Variants in ROBO1 observed in about 807,000 individuals in gnomAD.
The protein encoded by ROBO1 is roundabout homolog 1.
Under a neutral mutation model 195.9 loss-of-function variants are expected in ROBO1, and 149 were observed. The ratio of observed to expected loss-of-function variants is 0.76; its 90% CI spans 0.67 to 0.87. The LOEUF (loss-of-function observed/expected upper bound fraction) is 0.87. Among genes scored for constraint, ROBO1 ranks in the 40% least tolerant of loss-of-function variants. The probability of loss-of-function intolerance (pLI) is 0.00; values close to 1 mark genes in which losing one functional copy is unlikely to be tolerated. For synonymous variants in ROBO1, 816 were observed against 733.2 expected, an observed-to-expected ratio of 1.11 and a Z score of -1.82; for missense variants, 1,933 against 2,068.3, an observed-to-expected ratio of 0.93 and a Z score of 1.27.
intron 1 of ROBO1, among the ~76,000 whole-genome samples, chr3:79,683,655 A>G (rs1947014784): frequency 6.6e-6 from 1 of 152,020 alleles, no homozygotes; most frequent in Non-Finnish European, 1.5e-5. Context: ...TTCTGTCTCT[A>G]TGGATGTGCC....
At chr3:78,615,157 A>C (rs1289928838) in intron 27 of ROBO1, among the ~76,000 whole-genome samples, 1 of 152,234 alleles carries the variant, frequency 6.6e-6, no homozygotes, top group African/African-American at 2.4e-5. Context: ...ATGTTTGCAT[A>C]ATATAGCCAA....
chr3:79,764,437 G>T (rs376602449), intron 1 of ROBO1, among the ~76,000 whole-genome samples: 14 of 152,302 alleles, frequency 9.2e-5, no homozygotes, highest in African/African-American at 3.4e-4. Flanking sequence ...TTGAGTTTAG[G>T]TGGCAAGAAG....
chr3:78,917,852 G>T (rs531241152), intron 4 of ROBO1, among the ~76,000 whole-genome samples: 23 of 152,044 alleles, frequency 1.5e-4, no homozygotes, highest in African/African-American at 4.3e-4. Flanking sequence ...GAAATGAGTG[G>T]TTTTTTTTCC....
chr3:78,720,755 T>G (rs2082021007), intron 5 of ROBO1, among the ~76,000 whole-genome samples: 1 of 152,204 alleles, frequency 6.6e-6, no homozygotes, highest in African/African-American at 2.4e-5. Flanking sequence ...CATGGAATAC[T>G]ATGCAGCCAT....
At chr3:78,884,595 A>AAGAAAGAG (rs1220586725) in intron 4 of ROBO1, among the ~76,000 whole-genome samples, 1 of 147,776 alleles carries the variant, frequency 6.8e-6, no homozygotes, top group Non-Finnish European at 1.5e-5. Context: ...GGGAGAAAGA[A>AAGAAAGAG]AGAAAGAGAG....
intron 1 of ROBO1, among the ~76,000 whole-genome samples, chr3:79,613,039 T>C (rs1323296248): frequency 6.6e-6 from 1 of 151,864 alleles, no homozygotes; most frequent in Non-Finnish European, 1.5e-5. Flanking sequence ...ATAATTGACA[T>C]AATTTTACTA....
chr3:78,640,576 A>G (rs1559683296), intron 21 of ROBO1, among the ~76,000 whole-genome samples: 2 of 152,188 alleles, frequency 1.3e-5, no homozygotes, highest in Non-Finnish European at 2.9e-5. Flanking sequence ...GTCCACTAAA[A>G]AGAATATTAG....
intron 2 of ROBO1, among the ~76,000 whole-genome samples, chr3:79,575,197 T>TATATATAACATATATATAA (rs1332605411): frequency 1.9e-4 from 9 of 47,704 alleles, no homozygotes; most frequent in South Asian, 5.0e-4. Context: ...TATATATAAA[T>TATATATAACATATATATAA]ATATATATAA....
chr3:79,560,514 C>G (rs564745592), intron 2 of ROBO1, among the ~76,000 whole-genome samples: 51 of 128,216 alleles, frequency 4.0e-4, no homozygotes, highest in African/African-American at 1.5e-3. Flanking sequence ...TACCCTAAAA[C>G]TTAAAGTATA....
chr3:78,670,270 T>G lies in ROBO1; in HGVS notation c.1374A>C (p.Arg458=). The part of the protein sequence containing the change: ...VIADRPPPVI[R]QGPVNQTVAV... ...CTACAGTCTGATTCACAGGACCTTGTCGAATAACTGGGGGAGGCCGATCTG... is the reference window on the plus strand; with the variant it reads ...CTACAGTCTGATTCACAGGACCTTGGCGAATAACTGGGGGAGGCCGATCTG... The change falls in exon 11 of 31, where the codon CGA becomes CGC. Residue 458 remains arginine (R), a synonymous_variant. Coordinates refer to ENST00000464233, the MANE Select transcript of ROBO1 (RefSeq NM_002941.4). The G allele has an allele frequency of 1.3e-6, 2 of 1,577,424 alleles. No individual in the cohort carries two copies. Among genetic ancestry groups the G allele is most frequent in the Non-Finnish European group, 1.7e-6 (2 of 1,160,504 alleles).
chr3:79,249,581 C>A (rs1226820893), intron 2 of ROBO1, among the ~76,000 whole-genome samples: 1 of 152,114 alleles, frequency 6.6e-6, no homozygotes, highest in African/African-American at 2.4e-5. Flanking sequence ...TATCTTGCTA[C>A]AACAGGGAAA....
chr3:79,180,234 T>A (rs2108728433), intron 2 of ROBO1, among the ~76,000 whole-genome samples: 1 of 152,304 alleles, frequency 6.6e-6, no homozygotes, highest in Non-Finnish European at 1.5e-5. Flanking sequence ...CATTCTTCAT[T>A]TCTTGTTAAC....
At chr3:79,457,349 G>T (rs781287065) in intron 2 of ROBO1, among the ~76,000 whole-genome samples, 2 of 152,012 alleles carry the variant, frequency 1.3e-5, no homozygotes, top group Non-Finnish European at 2.9e-5. Context: ...TTATCTGTAT[G>T]AGGGGTACTC....
At chr3:79,532,488 G>T (rs9817360) in intron 2 of ROBO1, among the ~76,000 whole-genome samples, 110,904 of 151,648 alleles carry the variant, frequency 0.73, 41,733 homozygotes, top group African/African-American at 0.93. Context: ...AGTCAAAAAT[G>T]TAGTTAAATA....
intron 4 of ROBO1, among the ~76,000 whole-genome samples, chr3:78,831,819 G>A (rs2032240028): frequency 6.6e-6 from 1 of 152,170 alleles, no homozygotes; most frequent in Admixed American, 6.5e-5. Flanking sequence ...AGGCAAGAGA[G>A]GGTGTACAGG....
In ROBO1 at chr3:79,441,416, G is replaced by A. The variant is rs186488717; in HGVS notation, c.88+148408C>T. On this transcript the variant is annotated intron_variant, in intron 2 of 30. Coordinates refer to ENST00000464233, the MANE Select transcript of ROBO1 (RefSeq NM_002941.4). The stretch of plus-strand genomic sequence containing the variant: ...TTCAAACTATGTATTTCTGTATGGC[G>A]GCACTATTAGCATTTCTTGCCATCA... 2.5e-3 allele frequency among the ~76,000 whole-genome samples: 386 copies of A among 152,068 alleles called. 2 individuals carry two copies. Among genetic ancestry groups the A allele is most frequent in the African/African-American group, 7.9e-3 (330 of 41,512 alleles).
chr3:79,677,806 C>G (rs903771632), intron 1 of ROBO1, among the ~76,000 whole-genome samples: 8 of 152,084 alleles, frequency 5.3e-5, no homozygotes, highest in African/African-American at 1.9e-4. Flanking sequence ...ATGGATTCAT[C>G]TCCAGTGGAG....
chr3:79,214,811 A>AAT (rs770388395), intron 2 of ROBO1, among the ~76,000 whole-genome samples: 4,680 of 143,360 alleles, frequency 0.033, 101 homozygotes, highest in Middle Eastern at 0.066. Context: ...CAAAACTGCA[A>AAT]ATATATATAT....
intron 3 of ROBO1, among the ~76,000 whole-genome samples, chr3:79,043,317 C>T (rs1432853856): frequency 6.6e-6 from 1 of 151,968 alleles, no homozygotes; most frequent in African/African-American, 2.4e-5. Context: ...AAGTTTTATC[C>T]TTTATGAACT....
Sources: gnomAD v4.1 joint callset for allele counts (sites outside exome capture counted in the v4.1 genomes callset) on GRCh38, gnomAD v4.1.1 for gene constraint, MANE v1.5 for transcripts, NCBI Gene and HGNC (gene_info 2026-07-23, HGNC 2026-07-21) for gene names.